HK1: variants seen among roughly 807,000 people sequenced by gnomAD.
HK1 encodes hexokinase 1, also known as hexokinase-1.
A neutral mutation model predicts 91.6 loss-of-function variants in HK1; 28 were observed. The observed-to-expected ratio is 0.31, with a 90% CI of 0.23 to 0.42. The LOEUF (loss-of-function observed/expected upper bound fraction) is 0.42, where lower values mean the gene tolerates loss of function less well. HK1 is among the 10% of genes least tolerant of loss of function. The pLI, the probability that HK1 is intolerant of heterozygous loss-of-function variation, is 1.00. For missense variants in HK1, 770 were observed against 1,219.8 expected (o/e 0.63, Z 5.49); for synonymous variants, 430 against 468.1 (o/e 0.92, Z 1.05).
Position 69,401,054 on chromosome 10 carries a change from C to G in HK1, c.2673C>G (p.Leu891=). 2 of 1,614,224 alleles carry G rather than the reference C, an allele frequency of 1.2e-6. No individual in the cohort carries two copies. The highest frequency in any genetic ancestry group is 1.7e-6 in the Non-Finnish European group (2 of 1,180,026). The change falls in exon 18 of 18, where the codon CTC becomes CTG. Residue 891 remains leucine, a synonymous_variant. Transcript: ENST00000359426. Reference sequence around the variant, plus strand: ...CACCAAAATGTAACGTGTCCTTCCTCCTGTCTGAGGATGGCAGCGGCAAGG... The same window carrying G: ...CACCAAAATGTAACGTGTCCTTCCTGCTGTCTGAGGATGGCAGCGGCAAGG... ...ELSPKCNVSF[L]LSEDGSGKGA... is the part of the protein sequence containing the mutation.
At chr10:69,390,677 CT>C in intron 14 of HK1, among the ~76,000 whole-genome samples, 1 of 152,288 alleles carries the variant, frequency 6.6e-6, no homozygotes, top group East Asian at 1.9e-4. Context: ...GTCTTGTGCC[CT>C]CCCGATGAAA....
At chr10:69,341,775 C>G (rs1323819238) in intron 1 of HK1, among the ~76,000 whole-genome samples, 1 of 152,006 alleles carries the variant, frequency 6.6e-6, no homozygotes, top group Admixed American at 6.6e-5. Context: ...AATTTCTATT[C>G]TGGCTCTTGG....
intron 1 of HK1, among the ~76,000 whole-genome samples, chr10:69,323,453 CAG>C (rs1425340521): frequency 7.0e-6 from 1 of 143,372 alleles, no homozygotes; most frequent in Non-Finnish European, 1.5e-5. Context: ...GATCCCAAAA[CAG>C]TGAGCTGTGA....
chr10:69,332,751 A>C (rs1325010661), intron 1 of HK1, among the ~76,000 whole-genome samples: 1 of 152,004 alleles, frequency 6.6e-6, no homozygotes, highest in Non-Finnish European at 1.5e-5. Flanking sequence ...CAAATGAGAG[A>C]ATGGACGAGG....
intron 3 of HK1, among the ~76,000 whole-genome samples, chr10:69,363,537 C>T (rs1455503240): frequency 1.3e-5 from 2 of 152,130 alleles, no homozygotes; most frequent in Non-Finnish European, 2.9e-5. Context: ...TGCCAGCATG[C>T]CTGGCTAATT....
chr10:69,349,215 G>T (rs768758749), intron 2 of HK1, among the ~76,000 whole-genome samples: 1 of 152,152 alleles, frequency 6.6e-6, no homozygotes, highest in Non-Finnish European at 1.5e-5. Flanking sequence ...ACACTGAATC[G>T]GTCTCTGGGT....
chr10:69,314,953 A>G (rs1846561535), upstream of HK1, among the ~76,000 whole-genome samples: 1 of 151,980 alleles, frequency 6.6e-6, no homozygotes, highest in African/African-American at 2.4e-5. Context: ...GGCGTGAGCC[A>G]CTGCGCCTGG....
In HK1 at chr10:69,384,433, C is replaced by T. The variant is rs1345186895; in HGVS notation, c.1671C>T (p.Asn557=). 6.2e-7 allele frequency: 1 copy of T among 1,614,106 alleles called. No individual in the cohort carries two copies. Among genetic ancestry groups the T allele is most frequent in the African/African-American group, 1.3e-5 (1 of 74,932 alleles). The change falls in exon 11 of 18, where the codon AAC becomes AAT. Residue 557 remains asparagine (N), a synonymous_variant. Coordinates refer to ENST00000359426, the MANE Select transcript of HK1 (RefSeq NM_000188.3). ...AAAAGAGAACGGTGGAAATGCACAACAAGATCTACGCCATTCCTATTGAAA... is the reference window on the plus strand; with the variant it reads ...AAAAGAGAACGGTGGAAATGCACAATAAGATCTACGCCATTCCTATTGAAA... ...SGKKRTVEMH[N]KIYAIPIEIM... is the part of the protein sequence containing the mutation.
At chr10:69,306,085 G>A (rs184370162) in intron 5 of HK1, among the ~76,000 whole-genome samples, 1 of 151,888 alleles carries the variant, frequency 6.6e-6, no homozygotes, top group East Asian at 1.9e-4. Context: ...GGCTGGGCAC[G>A]GTGGCTCACG....
chr10:69,343,852 G>A lies in HK1; in HGVS notation c.89G>A (p.Arg30Gln), dbSNP rs772637781. The A allele has an allele frequency of 4.3e-6, 7 of 1,613,560 alleles. No homozygotes were observed. The highest frequency in any genetic ancestry group is 5.9e-6 in the Non-Finnish European group (7 of 1,179,738). ...ATTGACAAGTATCTCTATGCCATGC[G>A]GCTCTCCGATGAAACTCTCATAGAT... ...KKIDKYLYAM[R>Q]LSDETLIDIM... Residue 30 changes from arginine (R) to glutamine (Q), a missense_variant, in exon 2 of 18, where the codon CGG becomes CAG. By Grantham distance (43) the Arg-to-Gln change is conservative (BLOSUM62 1). Coordinates refer to ENST00000359426, the MANE Select transcript of HK1 (RefSeq NM_000188.3).
At chr10:69,360,825 G>A (rs1049410401) in intron 3 of HK1, among the ~76,000 whole-genome samples, 7 of 152,200 alleles carry the variant, frequency 4.6e-5, no homozygotes, top group East Asian at 1.9e-4. Context: ...CCCTAAGCCC[G>A]TCGTGGGGCA....
intron 4 of HK1, among the ~76,000 whole-genome samples, chr10:69,366,290 G>A (rs759701332): frequency 1.3e-5 from 2 of 152,194 alleles, no homozygotes; most frequent in African/African-American, 4.8e-5. Context: ...TTCCATGCTC[G>A]TAACTGGTCT....
intron 4 of HK1, chr10:69,300,734 T>C: frequency 1.7e-6 from 2 of 1,188,306 alleles, no homozygotes; most frequent in Non-Finnish European, 2.5e-6. Flanking sequence ...CTTTGGAGCA[T>C]GGCCTAAGAA....
chr10:69,378,695 C>T (rs574419980), intron 8 of HK1, among the ~76,000 whole-genome samples: 35 of 152,292 alleles, frequency 2.3e-4, no homozygotes, highest in Non-Finnish European at 4.7e-4. Context: ...GCTGGGATTA[C>T]AGGTGTGAGC....
intron 4 of HK1, chr10:69,295,811 A>G: frequency 2.8e-6 from 2 of 713,048 alleles, no homozygotes; most frequent in South Asian, 3.0e-5. Context: ...CAGGGTGTGG[A>G]GCAGTATTGA....
chr10:69,396,896 G>C (rs1186241093), intron 16 of HK1, among the ~76,000 whole-genome samples: 3 of 151,988 alleles, frequency 2.0e-5, no homozygotes, highest in Non-Finnish European at 4.4e-5. Flanking sequence ...TGTTGATCAG[G>C]GTGGTCTCAA....
At chr10:69,309,616 A>G (rs1455906330) in intron 5 of HK1, among the ~76,000 whole-genome samples, 2 of 148,174 alleles carry the variant, frequency 1.3e-5, no homozygotes, top group Non-Finnish European at 3.0e-5. Flanking sequence ...CCTGGCTGAC[A>G]CGGTGAAACC....
Position 69,380,455 on chromosome 10 carries a change from A to G in HK1, c.1265+360A>G, listed in dbSNP as rs1224230778. 6.6e-6 allele frequency among the ~76,000 whole-genome samples: 1 copy of G among 152,168 alleles called. No individual in the cohort carries two copies. Among genetic ancestry groups the G allele is most frequent in the Non-Finnish European group, 1.5e-5 (1 of 68,032 alleles). On this transcript the variant is annotated intron_variant, in intron 9 of 17. Coordinates refer to ENST00000359426, the MANE Select transcript of HK1 (RefSeq NM_000188.3). The surrounding 1 kb of genome is among the most constrained non-coding windows in gnomAD (Gnocchi z 4.0). The stretch of plus-strand genomic sequence containing the variant: ...CACTCTGTCGTTACCTCGCCCTGTC[A>G]AAAGTCGAGATGGAGATTTCTGTAG...
At chr10:69,391,607 A>C (rs1215465705) in intron 14 of HK1, among the ~76,000 whole-genome samples, 5 of 152,234 alleles carry the variant, frequency 3.3e-5, no homozygotes. Context: ...GCGCCGCTGC[A>C]CTCCAGCCTG....
Sources: allele counts gnomAD v4.1 joint callset (sites outside exome capture counted in the v4.1 genomes callset), GRCh38; gene constraint gnomAD v4.1.1; non-coding constraint Gnocchi (gnomAD v3.1); transcripts MANE v1.5; gene names NCBI Gene and HGNC (gene_info 2026-07-23, HGNC 2026-07-21).